The following RHEB variants were observed in gnomAD, a reference collection of about 807,000 sequenced individuals.
The protein encoded by RHEB is GTP-binding protein Rheb.
A neutral mutation model predicts 28.8 loss-of-function variants in RHEB; 2 were observed. The observed-to-expected ratio is 0.07, with a 90% CI of 0.03 to 0.22. The LOEUF (loss-of-function observed/expected upper bound fraction) is 0.22, where lower values mean the gene tolerates loss of function less well. RHEB is among the 10% of genes least tolerant of loss of function. RHEB has a pLI of 1.00. For synonymous variants in RHEB, 69 were observed against 77.3 expected (o/e 0.89, Z 0.56); for missense variants, 76 against 219.9 (o/e 0.35, Z 4.14).
rs76696133 is a variant in RHEB, at chr7:151,491,211, T to C, written c.53-197A>G. Among the ~76,000 whole-genome samples, 808 of 152,364 alleles carry C rather than the reference T, an allele frequency of 5.3e-3. 1 individual carries two copies. The highest frequency in any genetic ancestry group is 0.014 in the Middle Eastern group (4 of 294). ...TAATTTGCTTTATATGAGGATATTA[T>C]GCAATTAAGCTATTACAAAGTAAAC... On this transcript the variant is annotated intron_variant, in intron 1 of 7. Coordinates refer to ENST00000262187, the MANE Select transcript of RHEB (RefSeq NM_005614.4).
chr7:151,480,685 TA>T (rs200241366), intron 3 of RHEB, among the ~76,000 whole-genome samples: 58,683 of 149,694 alleles, frequency 0.39, 13,495 homozygotes, highest in South Asian at 0.59. Context: ...TATTATTAAT[TA>T]TTATTTTTTT....
intron 2 of RHEB, among the ~76,000 whole-genome samples, chr7:151,490,224 G>T (rs1802555845): frequency 6.6e-6 from 1 of 152,146 alleles, no homozygotes; most frequent in South Asian, 2.1e-4. Flanking sequence ...GATCACTTGA[G>T]TCCAGGATAT....
chr7:151,495,957 C>A lies in RHEB; in HGVS notation c.53-4943G>T, dbSNP rs1802665467. On this transcript the variant is annotated intron_variant, in intron 1 of 7. Transcript: ENST00000262187. ...TGTCCCCCCTCCCACCGACTCCCTA[C>A]AAGCCCAGCATTTTCCCAGTTTATA... Among the ~76,000 whole-genome samples the A allele has an allele frequency of 2.0e-5, 3 of 152,186 alleles. No homozygotes were observed. The South Asian group carries it at 6.2e-4, about 32-fold the overall frequency.
At chr7:151,516,444 G>A (rs2150941097) in intron 1 of RHEB, among the ~76,000 whole-genome samples, 1 of 152,072 alleles carries the variant, frequency 6.6e-6, no homozygotes, top group East Asian at 1.9e-4. Context: ...CCAAGATGGT[G>A]AAACCCAGTC....
intron 3 of RHEB, among the ~76,000 whole-genome samples, chr7:151,483,975 T>C (rs1802423629): frequency 6.6e-6 from 1 of 152,198 alleles, no homozygotes; most frequent in African/African-American, 2.4e-5. Context: ...ATATCCTTTC[T>C]GGGGGGATTA....
At chr7:151,513,514 T>C (rs1803026198) in intron 1 of RHEB, among the ~76,000 whole-genome samples, 1 of 152,222 alleles carries the variant, frequency 6.6e-6, no homozygotes, top group Non-Finnish European at 1.5e-5. Flanking sequence ...AATGCTTGTA[T>C]AATAAAATGT....
At chr7:151,515,875 C>T (rs1380967976) in intron 1 of RHEB, among the ~76,000 whole-genome samples, 1 of 152,230 alleles carries the variant, frequency 6.6e-6, no homozygotes, top group Non-Finnish European at 1.5e-5. Flanking sequence ...TGATCTTTCA[C>T]ATGCCTGTGA....
chr7:151,497,121 C>T (rs1802688557), intron 1 of RHEB, among the ~76,000 whole-genome samples: 1 of 152,026 alleles, frequency 6.6e-6, no homozygotes, highest in Non-Finnish European at 1.5e-5. Flanking sequence ...AATCAACTGC[C>T]TTTGTGAGCC....
chr7:151,502,171 T>A, intron 1 of RHEB: 1 of 435,682 alleles, frequency 2.3e-6, no homozygotes, highest in South Asian at 2.9e-5. Context: ...GGGAGGCTTA[T>A]GTGGCAGTGA....
intron 6 of RHEB, among the ~76,000 whole-genome samples, chr7:151,471,190 G>A (rs1802155538): frequency 6.6e-6 from 1 of 152,162 alleles, no homozygotes; most frequent in Non-Finnish European, 1.5e-5. Flanking sequence ...ATAACCTAAA[G>A]GTAGTTTCCT....
Position 151,470,525 on chromosome 7 carries a change from G to A in RHEB, c.462+46C>T, listed in dbSNP as rs377603128. The stretch of plus-strand genomic sequence containing the variant: ...CCAACTGCAAGGAACACATCCCTGC[G>A]ACTGATGAGAACGCAATGCAAAATG... On this transcript the variant is annotated intron_variant, in intron 7 of 7. Coordinates refer to ENST00000262187, the MANE Select transcript of RHEB (RefSeq NM_005614.4). 3.8e-4 allele frequency: 498 copies of A among 1,319,354 alleles called. 9 individuals are homozygous for A. The highest frequency in any genetic ancestry group is 8.7e-5 in the African/African-American group (6 of 69,156). The allele number at this position is 1,319,354 out of a possible 1,614,324, so 81.7% of individuals were successfully genotyped here.
At chr7:151,506,165 T>G (rs2150936523) in intron 1 of RHEB, among the ~76,000 whole-genome samples, 1 of 152,310 alleles carries the variant, frequency 6.6e-6, no homozygotes, top group African/African-American at 2.4e-5. Flanking sequence ...AAAAAAGATT[T>G]TTTTTAAAAG....
At chr7:151,492,310 T>A (rs1429318418) in intron 1 of RHEB, among the ~76,000 whole-genome samples, 2 of 152,112 alleles carry the variant, frequency 1.3e-5, no homozygotes, top group Non-Finnish European at 2.9e-5. Flanking sequence ...TATTAAAAAG[T>A]TGGCTTAAAA....
chr7:151,515,826 C>T (rs1584870911), intron 1 of RHEB, among the ~76,000 whole-genome samples: 2 of 152,198 alleles, frequency 1.3e-5, no homozygotes, highest in East Asian at 3.8e-4. Context: ...TGCTGAATTG[C>T]CTTCTTCCAA....
intron 7 of RHEB, among the ~76,000 whole-genome samples, chr7:151,469,057 C>T (rs1802113949): frequency 6.6e-6 from 1 of 152,310 alleles, no homozygotes; most frequent in South Asian, 2.1e-4. Context: ...ATAGGTATCT[C>T]TTAACTATCT....
intron 3 of RHEB, among the ~76,000 whole-genome samples, chr7:151,478,109 G>A (rs770527924): frequency 1.3e-5 from 2 of 152,162 alleles, no homozygotes; most frequent in Non-Finnish European, 2.9e-5. Context: ...ATAAAGCAGC[G>A]TTATGACACT....
intron 1 of RHEB, among the ~76,000 whole-genome samples, chr7:151,492,652 G>C (rs1474484954): frequency 6.6e-6 from 1 of 151,462 alleles, no homozygotes; most frequent in Admixed American, 6.6e-5. Flanking sequence ...AGGGGTTGCT[G>C]AGAAGGAAAG....
chr7:151,479,699 A>G (rs1390427016), intron 3 of RHEB, among the ~76,000 whole-genome samples: 1 of 151,666 alleles, frequency 6.6e-6, no homozygotes, highest in Non-Finnish European at 1.5e-5. Context: ...AAAAAAAAAA[A>G]GATTAATAAA....
intron 3 of RHEB, among the ~76,000 whole-genome samples, chr7:151,483,694 GAGCAA>G (rs1313351916): frequency 6.6e-6 from 1 of 152,138 alleles, no homozygotes; most frequent in African/African-American, 2.4e-5. Context: ...CTGGGTGACA[GAGCAA>G]GACTCTGTCT....
Sources: allele counts gnomAD v4.1 joint callset (sites outside exome capture counted in the v4.1 genomes callset), GRCh38; gene constraint gnomAD v4.1.1; transcripts MANE v1.5; gene names NCBI Gene and HGNC (gene_info 2026-07-23, HGNC 2026-07-21).